Variants in KIF4A observed in about 807,000 individuals in gnomAD.
KIF4A encodes chromosome-associated kinesin KIF4A.
KIF4A carries 7 observed loss-of-function variants against 105.9 expected under a neutral mutation model. That is an observed-to-expected ratio of 0.07 (90% CI 0.04 to 0.12). The LOEUF (loss-of-function observed/expected upper bound fraction) is 0.12, where lower values mean the gene tolerates loss of function less well. KIF4A is among the 10% of genes least tolerant of loss of function. The pLI, the probability that KIF4A is intolerant of heterozygous loss-of-function variation, is 1.00. For missense variants in KIF4A, 558 were observed against 929.2 expected (o/e 0.60, Z 5.19); for synonymous variants, 281 against 331.3 (o/e 0.85, Z 1.65).
At chrX:70,343,680 G>GA (rs754814385) in intron 11 of KIF4A, 23 bp from the exon 12 acceptor site, 1 of 1,204,609 alleles carries the variant, frequency 8.3e-7, no homozygotes, top group Non-Finnish European at 1.1e-6. Flanking sequence ...CGCCACTGAT[G>GA]ATCTCCTGGG....
chrX:70,303,881 C>T (rs1293815141), intron 7 of KIF4A, among the ~76,000 whole-genome samples: 1 of 109,540 alleles, frequency 9.1e-6, no homozygotes, highest in East Asian at 2.8e-4. Context: ...ACCCCTTTCC[C>T]TGGCCCTAGG....
intron 10 of KIF4A, among the ~76,000 whole-genome samples, chrX:70,339,766 T>C (rs2085965284): frequency 8.9e-6 from 1 of 112,219 alleles, no homozygotes; most frequent in South Asian, 3.6e-4. Context: ...TTTCTGTGAG[T>C]GTCGGTCAAT....
chrX:70,362,236 C>G (rs899148809), intron 15 of KIF4A: 1 of 352,201 alleles, frequency 2.8e-6, no homozygotes, highest in African/African-American at 2.6e-5. Context: ...AAGGCCTTCC[C>G]CATTGAGGAG....
At chrX:70,401,079 A>ATT (rs1271801890) in intron 22 of KIF4A, among the ~76,000 whole-genome samples, 43 of 74,051 alleles carry the variant, frequency 5.8e-4, no homozygotes, top group East Asian at 4.2e-3. Flanking sequence ...TAGGTTTATG[A>ATT]TTTTTTTTTT....
chrX:70,404,154 T>A (rs1453286706), intron 24 of KIF4A, 120 bp downstream of exon 24: 1 of 825,928 alleles, frequency 1.2e-6, no homozygotes, highest in East Asian at 3.5e-5. Flanking sequence ...CTTTTCTAAA[T>A]TTTGCAAATA....
chrX:70,317,229 C>T (rs2085872719), intron 7 of KIF4A, among the ~76,000 whole-genome samples: 1 of 111,110 alleles, frequency 9.0e-6, no homozygotes, highest in South Asian at 3.8e-4. Flanking sequence ...ATCCTGAATC[C>T]TCCTGTAACT....
At chrX:70,415,911 A>T (rs1437620288) in intron 28 of KIF4A, among the ~76,000 whole-genome samples, 1 of 81,576 alleles carries the variant, frequency 1.2e-5, no homozygotes, top group Non-Finnish European at 2.2e-5. Flanking sequence ...CTTGTCGCCC[A>T]GGCTGGAGTG....
At chrX:70,334,191 T>C (rs2085941683) in intron 10 of KIF4A, among the ~76,000 whole-genome samples, 1 of 111,517 alleles carries the variant, frequency 9.0e-6, no homozygotes, top group South Asian at 3.8e-4. Context: ...TTTTTGTTGA[T>C]GGAAAATTGT....
rs2085794508 is a variant in KIF4A at position 70,299,043 on chromosome X, A to G, written c.427-70A>G. ...TCACAAATAATTTTAAAAATTACCTATGATCTCACCACCCAGAGATTACCA... is the reference window on the plus strand; with the variant it reads ...TCACAAATAATTTTAAAAATTACCTGTGATCTCACCACCCAGAGATTACCA... On this transcript the variant is annotated intron_variant, in intron 4 of 30. Transcript: ENST00000374403. The G allele has an allele frequency of 1.2e-5, 10 of 802,966 alleles. No homozygotes were observed. In the East Asian group the frequency reaches 2.6e-4, roughly 21 times the overall value. 66.2% of individuals were successfully genotyped at this position (802,966 alleles called of 1,213,427 possible). A position where few individuals can be genotyped will look rare whatever the true frequency, so the allele number is the denominator to read the frequency against.
Position 70,381,427 on chromosome X carries a change from C to T in KIF4A, c.2035-5191C>T, listed in dbSNP as rs770832532. Among the ~76,000 whole-genome samples the T allele has an allele frequency of 2.7e-5, 3 of 110,989 alleles. No individual in the cohort carries two copies. The South Asian group carries it at 1.2e-3, about 43-fold the overall frequency. On this transcript the variant is annotated intron_variant, in intron 18 of 30. Coordinates refer to ENST00000374403, the MANE Select transcript of KIF4A (RefSeq NM_012310.5). Reference sequence around the variant, plus strand: ...TGACAGGCACCTGTAATCGCAGCTACTTAGGAGGCTGAGGCAGGAGAATCA... The same window carrying T: ...TGACAGGCACCTGTAATCGCAGCTATTTAGGAGGCTGAGGCAGGAGAATCA...
At chrX:70,323,503 A>G (rs763356377) in intron 7 of KIF4A, among the ~76,000 whole-genome samples, 5 of 111,603 alleles carry the variant, frequency 4.5e-5, no homozygotes, top group African/African-American at 1.6e-4. Context: ...TTCACAATTC[A>G]TATGTTACCC....
intron 15 of KIF4A, among the ~76,000 whole-genome samples, chrX:70,365,624 G>A (rs1271932206): frequency 5.4e-5 from 6 of 111,444 alleles, no homozygotes; most frequent in African/African-American, 1.6e-4. Flanking sequence ...GCTTTTTGAT[G>A]TGCTGCTGGA....
At chrX:70,341,744 G>A (rs1215728902) in intron 10 of KIF4A, 55 bp from the exon 11 acceptor site, 2 of 1,132,492 alleles carry the variant, frequency 1.8e-6, no homozygotes, top group Non-Finnish European at 2.4e-6. Flanking sequence ...ATCCACCTTT[G>A]ATATAGGTAT....
chrX:70,311,487 TATAATGA>T (rs986886665), intron 7 of KIF4A, among the ~76,000 whole-genome samples: 2 of 112,069 alleles, frequency 1.8e-5, no homozygotes, highest in Non-Finnish European at 3.8e-5. Context: ...GTCAGGATGG[TATAATGA>T]ATGCCTCCCC....
chrX:70,329,204 C>A (rs990424607), intron 7 of KIF4A, among the ~76,000 whole-genome samples: 1 of 111,994 alleles, frequency 8.9e-6, no homozygotes, highest in Admixed American at 9.4e-5. Flanking sequence ...CCAGTGGACT[C>A]AATCATACAT....
In KIF4A at chrX:70,381,218, T is replaced by C. The variant is rs367905231; in HGVS notation, c.2034+5008T>C. On this transcript the variant is annotated intron_variant, in intron 18 of 30. Coordinates refer to ENST00000374403, the MANE Select transcript of KIF4A (RefSeq NM_012310.5). ...CAGTAGTATATTTATATACTAGCAATTAACAATTTGACAATGAGATTAATA... is the reference window on the plus strand; with the variant it reads ...CAGTAGTATATTTATATACTAGCAACTAACAATTTGACAATGAGATTAATA... Among the ~76,000 whole-genome samples the C allele has an allele frequency of 4.5e-5, 5 of 111,409 alleles. No individual in the cohort carries two copies. In the East Asian group the frequency reaches 1.4e-3, roughly 31 times the overall value.
intron 26 of KIF4A, 128 bp from the exon 27 acceptor site, chrX:70,406,131 C>CTA (rs2086299298): frequency 1.8e-6 from 1 of 559,880 alleles, no homozygotes; most frequent in Non-Finnish European, 2.9e-6. Flanking sequence ...TCAACGTACT[C>CTA]TACTATAATC....
intron 20 of KIF4A, among the ~76,000 whole-genome samples, chrX:70,393,799 CTCTTTCTT>C (rs1226256913): frequency 0.021 from 1,215 of 58,393 alleles, 37 homozygotes; most frequent in African/African-American, 0.042. Flanking sequence ...CTTTTCTTTT[CTCTTTCTT>C]TCTTTCTTTC....
intron 11 of KIF4A, among the ~76,000 whole-genome samples, chrX:70,342,986 C>T (rs775821570): frequency 1.2e-4 from 14 of 112,216 alleles, no homozygotes; most frequent in Non-Finnish European, 1.9e-4. Flanking sequence ...CCTATATAAA[C>T]GATTCTTTCC....
Sources: gnomAD v4.1 joint callset for allele counts (sites outside exome capture counted in the v4.1 genomes callset) on GRCh38, gnomAD v4.1.1 for gene constraint, MANE v1.5 for transcripts, NCBI Gene and HGNC (gene_info 2026-07-23, HGNC 2026-07-21) for gene names.